GOSR1: variants seen among roughly 807,000 people sequenced by gnomAD.
GOSR1 encodes the protein golgi SNAP receptor complex member 1.
Under a neutral mutation model 35.5 loss-of-function variants are expected in GOSR1, and 21 were observed. That is an observed-to-expected ratio of 0.59 (90% CI 0.42 to 0.85). The LOEUF (loss-of-function observed/expected upper bound fraction) is 0.85. GOSR1 is among the 40% of genes least tolerant of loss of function. GOSR1 has a pLI of 0.00. For missense variants in GOSR1, 285 were observed against 309.6 expected, an observed-to-expected ratio of 0.92 and a Z score of 0.60; for synonymous variants, 94 against 106.6, an observed-to-expected ratio of 0.88 and a Z score of 0.73.
At chr17:30,483,403 A>T (rs1196486707) in intron 2 of GOSR1, among the ~76,000 whole-genome samples, 4 of 152,220 alleles carry the variant, frequency 2.6e-5, no homozygotes, top group African/African-American at 4.8e-5. Context: ...GGTGCTAGGC[A>T]TATATCTATG....
intron 6 of GOSR1, among the ~76,000 whole-genome samples, chr17:30,497,617 T>C (rs1424102146): frequency 6.6e-6 from 1 of 152,246 alleles, no homozygotes; most frequent in African/African-American, 2.4e-5. Context: ...CCATTTTGCC[T>C]ATAGTGGTGT....
At chr17:30,478,956 G>C (rs1295373541) in intron 1 of GOSR1, 1 of 152,068 alleles carries the variant, frequency 6.6e-6, no homozygotes, top group East Asian at 1.9e-4. Context: ...ATATTACAGC[G>C]GCTCATTACT....
In GOSR1 at chr17:30,525,362, G is replaced by A. The variant is rs1167646975; in HGVS notation, c.*2984G>A. On this transcript the variant is annotated 3_prime_UTR_variant, in exon 9 of 9. Transcript: ENST00000451249. ...AACTATGGGGTTTATTTTTCTAAAT[G>A]TGGGTTGATTGACTGTTAATTGATT... 1 of 152,214 alleles carries A rather than the reference G, an allele frequency of 6.6e-6. No homozygotes were observed. Among genetic ancestry groups the A allele is most frequent in the African/African-American group, 2.4e-5 (1 of 41,440 alleles). 9.4% of individuals were successfully genotyped at this position (152,214 alleles called of 1,614,324 possible).
intron 6 of GOSR1, among the ~76,000 whole-genome samples, chr17:30,494,529 A>G (rs1026160890): frequency 1.3e-5 from 2 of 152,086 alleles, no homozygotes; most frequent in Non-Finnish European, 2.9e-5. Flanking sequence ...ACTCCCTGAT[A>G]TTTTTCTTCT....
At chr17:30,494,317 C>A (rs1451925175) in intron 6 of GOSR1, among the ~76,000 whole-genome samples, 2 of 152,000 alleles carry the variant, frequency 1.3e-5, no homozygotes, top group Non-Finnish European at 2.9e-5. Context: ...TGACAAATTT[C>A]TTTTGCTATA....
intron 7 of GOSR1, among the ~76,000 whole-genome samples, chr17:30,517,346 C>T (rs1179472699): frequency 1.3e-5 from 2 of 152,166 alleles, no homozygotes; most frequent in Non-Finnish European, 2.9e-5. Context: ...TGTTAAGTGA[C>T]AATTGTGTAT....
chr17:30,477,871 A>AG (rs1914048092), intron 1 of GOSR1: 1 of 985,082 alleles, frequency 1.0e-6, no homozygotes, highest in African/African-American at 1.7e-5. Flanking sequence ...ATTGGAGCTG[A>AG]GGTCACTATT....
intron 7 of GOSR1, among the ~76,000 whole-genome samples, chr17:30,516,468 T>TAAAAAAAA (rs1203943739): frequency 2.8e-5 from 1 of 35,978 alleles, no homozygotes. Flanking sequence ...AGACTCCGTC[T>TAAAAAAAA]CAAACAAAAA....
chr17:30,520,757 G>A (rs1179729120), intron 8 of GOSR1, among the ~76,000 whole-genome samples: 1 of 152,136 alleles, frequency 6.6e-6, no homozygotes, highest in African/African-American at 2.4e-5. Flanking sequence ...GATAATTTGA[G>A]TTCACTTTTA....
intron 6 of GOSR1, among the ~76,000 whole-genome samples, chr17:30,500,215 A>G (rs373661543): frequency 6.6e-6 from 1 of 152,066 alleles, no homozygotes; most frequent in East Asian, 1.9e-4. Context: ...TTTCTGATTC[A>G]TGTATTTTGG....
chr17:30,509,036 C>T (rs973201261), intron 6 of GOSR1, among the ~76,000 whole-genome samples: 3 of 151,934 alleles, frequency 2.0e-5, no homozygotes, highest in African/African-American at 4.8e-5. Flanking sequence ...AGTGCAGTGG[C>T]GCAATCTCGG....
At chr17:30,509,330 A>G (rs1381012908) in intron 6 of GOSR1, among the ~76,000 whole-genome samples, 1 of 151,840 alleles carries the variant, frequency 6.6e-6, no homozygotes, top group Non-Finnish European at 1.5e-5. Flanking sequence ...AGGCTGGTCA[A>G]GAACTTCTGA....
At chr17:30,507,475 C>T (rs1967445016) in intron 6 of GOSR1, among the ~76,000 whole-genome samples, 2 of 152,076 alleles carry the variant, frequency 1.3e-5, no homozygotes, top group Non-Finnish European at 2.9e-5. Flanking sequence ...GTAATCCCAG[C>T]GCTTTGGAAA....
intron 7 of GOSR1, among the ~76,000 whole-genome samples, chr17:30,515,270 G>A (rs1269044551): frequency 1.3e-5 from 2 of 150,970 alleles, no homozygotes; most frequent in African/African-American, 4.9e-5. Flanking sequence ...TGGTACTACT[G>A]GCACACACCA....
intron 6 of GOSR1, among the ~76,000 whole-genome samples, chr17:30,502,465 C>G (rs1567908704): frequency 6.6e-6 from 1 of 152,170 alleles, no homozygotes; most frequent in Non-Finnish European, 1.5e-5. Context: ...TTCTATATGT[C>G]TAAAATTGTT....
intron 2 of GOSR1, 101 bp from the exon 3 acceptor site, chr17:30,484,113 A>G (rs2143624144): frequency 4.2e-6 from 3 of 721,880 alleles, no homozygotes; most frequent in African/African-American, 3.5e-5. Context: ...AACATAATCC[A>G]TAATTCATTT....
In GOSR1 at chr17:30,477,490, C is replaced by T. The variant is rs201018782; in HGVS notation, c.31+26C>T. The T allele has an allele frequency of 5.7e-4, 919 of 1,603,366 alleles. 4 individuals are homozygous for T. The Middle Eastern group carries it at 0.016, about 28-fold the overall frequency. ...GTGAGGGCGAGAAGGCCTCCGGGTG[C>T]GTCCTACGAGGGTGAGAGGGGCTGA... On this transcript the variant is annotated intron_variant, in intron 1 of 8. Coordinates refer to ENST00000451249, the MANE Select transcript of GOSR1 (RefSeq NM_001007025.2).
chr17:30,487,798 C>T (rs893481385), intron 4 of GOSR1, among the ~76,000 whole-genome samples: 1 of 151,794 alleles, frequency 6.6e-6, no homozygotes, highest in East Asian at 1.9e-4. Flanking sequence ...GACGGAGTCT[C>T]GCTCTGTTGT....
rs1914571206 is a variant in GOSR1, at chr17:30,484,756, A to G, written c.328A>G (p.Arg110Gly). 4 of 1,557,372 alleles carry G rather than the reference A, an allele frequency of 2.6e-6. No individual in the cohort carries two copies. Among genetic ancestry groups the G allele is most frequent in the East Asian group, 4.5e-5 (2 of 44,590 alleles). Residue 110 changes from arginine to glycine, a missense_variant, in exon 4 of 9, where the codon AGA becomes GGA. Coordinates refer to ENST00000451249, the MANE Select transcript of GOSR1 (RefSeq NM_001007025.2). ...CCTGATGCATACATTACAGCGGCATAGAGACATATTGCAGGTAATATATTG... is the reference window on the plus strand; with the variant it reads ...CCTGATGCATACATTACAGCGGCATGGAGACATATTGCAGGTAATATATTG... ...AALMHTLQRH[R>G]DILQDYTHEF... is the part of the protein sequence containing the mutation.
Sources: allele counts gnomAD v4.1 joint callset (sites outside exome capture counted in the v4.1 genomes callset), GRCh38; gene constraint gnomAD v4.1.1; transcripts MANE v1.5; gene names NCBI Gene and HGNC (gene_info 2026-07-23, HGNC 2026-07-21).